Variants in GRM4 observed in about 807,000 individuals in gnomAD.
GRM4 encodes glutamate metabotropic receptor 4, also known as metabotropic glutamate receptor 4.
In GRM4, 28 loss-of-function variants were observed where a neutral mutation model predicts 81.7. The ratio of observed to expected loss-of-function variants is 0.34; its 90% CI spans 0.25 to 0.47. The LOEUF is 0.47. GRM4 is among the 20% of genes least tolerant of loss of function. The pLI is 1.00. For missense variants in GRM4, 948 were observed against 1,290.0 expected (o/e 0.73, Z 4.06); for synonymous variants, 488 against 528.8 (o/e 0.92, Z 1.06).
chr6:34,071,331 T>TTAC (rs1766818554), intron 3 of GRM4, among the ~76,000 whole-genome samples: 1 of 39,824 alleles, frequency 2.5e-5, no homozygotes, highest in Non-Finnish European at 4.7e-5. Flanking sequence ...CACACACACA[T>TTAC]CACACAGATA....
At chr6:34,066,530 G>A (rs1766474773) in intron 3 of GRM4, among the ~76,000 whole-genome samples, 1 of 151,890 alleles carries the variant, frequency 6.6e-6, no homozygotes, top group Admixed American at 6.6e-5. Flanking sequence ...GGCTGCATGA[G>A]GGCGGGAGAC....
intron 10 of GRM4, chr6:34,024,642 AG>A: frequency 2.2e-6 from 1 of 455,962 alleles, no homozygotes; most frequent in Non-Finnish European, 4.4e-6. Flanking sequence ...CATGAAGGTC[AG>A]GGTCCAGCTC....
intron 6 of GRM4, 110 bp downstream of exon 6, chr6:34,056,434 A>T (rs188396675): frequency 3.3e-6 from 3 of 903,968 alleles, no homozygotes; most frequent in Non-Finnish European, 4.8e-6. Flanking sequence ...ACGTCCTGCC[A>T]CGGCCGGCCG....
In GRM4 at chr6:34,036,250, G is replaced by T. The variant is rs1258975508; in HGVS notation, c.1860C>A (p.Ala620=). 1.2e-6 allele frequency: 2 copies of T among 1,614,166 alleles called. No homozygotes were observed. The highest frequency in any genetic ancestry group is 2.2e-5 in the South Asian group (2 of 91,082). Residue 620 remains alanine (A), a synonymous_variant, in exon 9 of 11, where the codon GCC becomes GCA. Coordinates refer to ENST00000538487, the MANE Select transcript of GRM4 (RefSeq NM_000841.4). The surrounding 1 kb of genome is among the most constrained non-coding windows in gnomAD (Gnocchi z 9.0). The stretch of plus-strand genomic sequence containing the variant: ...GCACGTAGCTCAGTTCACGGCCCGA[G>T]GCCTTGACGATGGGCGTGTCGTTGT... ...VRYNDTPIVK[A]SGRELSYVLL... is the part of the protein sequence containing the mutation.
chr6:34,044,377 C>T lies in GRM4; in HGVS notation c.1169-3629G>A, dbSNP rs543488157. On this transcript the variant is annotated intron_variant, in intron 6 of 10. Coordinates refer to ENST00000538487, the MANE Select transcript of GRM4 (RefSeq NM_000841.4). ...ATATATACACAGACACACACATACA[C>T]ACACATAGACATACATACATACACA... is the stretch of plus-strand genomic sequence containing the variant. Among the ~76,000 whole-genome samples the T allele has an allele frequency of 7.8e-4, 115 of 147,670 alleles. 1 individual carries two copies. Among genetic ancestry groups the T allele is most frequent in the African/African-American group, 2.9e-3 (110 of 38,434 alleles).
chr6:34,040,051 A>G, intron 8 of GRM4, 127 bp downstream of exon 8: 1 of 892,228 alleles, frequency 1.1e-6, no homozygotes, highest in South Asian at 1.6e-5. Flanking sequence ...CTGGGAAGGA[A>G]GCCCCAGCCT....
chr6:34,148,474 G>A (rs749707145), upstream of GRM4, among the ~76,000 whole-genome samples: 3 of 151,964 alleles, frequency 2.0e-5, no homozygotes, highest in Admixed American at 6.6e-5. Context: ...TTCCAGTGGC[G>A]TCCCCTGCCC....
chr6:34,075,844 C>G (rs1163818724), intron 3 of GRM4, among the ~76,000 whole-genome samples: 1 of 152,226 alleles, frequency 6.6e-6, no homozygotes, highest in East Asian at 1.9e-4. Context: ...CTGTGTCTTT[C>G]CCATTTCTAA....
chr6:34,139,873 T>G (rs966823369), intron 1 of GRM4, among the ~76,000 whole-genome samples: 1 of 152,162 alleles, frequency 6.6e-6, no homozygotes, highest in Non-Finnish European at 1.5e-5. Context: ...GGTGTGACAT[T>G]CAAAGGTGCT....
chr6:34,021,341 A>T lies in GRM4; in HGVS notation c.*1480T>A, dbSNP rs1210631876. ...CACGTGGACACATAACAACACACTGATCTCCAGGACAGACACACATCTTCT... is the reference window on the plus strand; with the variant it reads ...CACGTGGACACATAACAACACACTGTTCTCCAGGACAGACACACATCTTCT... On this transcript the variant is annotated 3_prime_UTR_variant, in exon 11 of 11. Transcript: ENST00000538487. The surrounding 1 kb of genome is among the most constrained non-coding windows in gnomAD (Gnocchi z 5.3). The T allele has an allele frequency of 6.6e-6, 1 of 152,140 alleles. No individual in the cohort carries two copies. The highest frequency in any genetic ancestry group is 1.5e-5 in the Non-Finnish European group (1 of 68,074). The allele number at this position is 152,140 out of a possible 1,614,324, so 9.4% of individuals were successfully genotyped here. A position where few individuals can be genotyped will look rare whatever the true frequency, so the allele number is the denominator to read the frequency against.
chr6:34,103,803 C>T, intron 2 of GRM4: 2 of 1,441,686 alleles, frequency 1.4e-6, no homozygotes, highest in Non-Finnish European at 1.8e-6. Context: ...CCTCAGTCTC[C>T]TCATCTGTCC....
At chr6:34,146,293 G>C (rs1581744489), upstream of GRM4, among the ~76,000 whole-genome samples, 1 of 152,248 alleles carries the variant, frequency 6.6e-6, no homozygotes, top group East Asian at 1.9e-4. Flanking sequence ...CTGTCCAGGG[G>C]ACACTTTCCA....
At chr6:34,077,329 T>C (rs2451356) in intron 3 of GRM4, among the ~76,000 whole-genome samples, 55,052 of 151,954 alleles carry the variant, frequency 0.36, 14,915 homozygotes, top group African/African-American at 0.76. Context: ...AGGCTGGCTC[T>C]GGAGCCCCAG....
In GRM4 at chr6:34,074,336, G is replaced by A. The variant is rs76210789; in HGVS notation, c.737-12308C>T. ...CCCCGAGACATAGCAGGGTTGCGGT[G>A]AGGATTAGAGCGGATTGCCCGTGGA... On this transcript the variant is annotated intron_variant, in intron 3 of 10. Transcript: ENST00000538487. The surrounding 1 kb of genome is among the most constrained non-coding windows in gnomAD (Gnocchi z 4.9). Among the ~76,000 whole-genome samples, 7,000 of 152,292 alleles carry A rather than the reference G, an allele frequency of 0.046. 335 individuals carry two copies. The highest frequency in any genetic ancestry group is 0.11 in the African/African-American group (4,749 of 41,546).
intron 10 of GRM4, 52 bp downstream of exon 10, chr6:34,028,067 CA>C: frequency 6.4e-7 from 1 of 1,556,142 alleles, no homozygotes. Flanking sequence ...CCACCTGCTG[CA>C]AAAGGAGCGG....
intron 3 of GRM4, among the ~76,000 whole-genome samples, chr6:34,067,563 T>C (rs1766548445): frequency 7.0e-6 from 1 of 143,252 alleles, no homozygotes; most frequent in South Asian, 2.5e-4. Context: ...CCTTCCTCCC[T>C]TCCTTCCTCT....
In GRM4 at chr6:34,089,510, A is replaced by G. The variant is rs1768087883; in HGVS notation, c.736+2373T>C. Among the ~76,000 whole-genome samples, 1 of 152,000 alleles carries G rather than the reference A, an allele frequency of 6.6e-6. No homozygotes were observed. Among genetic ancestry groups the G allele is most frequent in the Non-Finnish European group, 1.5e-5 (1 of 68,004 alleles). ...CCCCCGTAGGATGTTGCACACTGGC[A>G]TGGGGTGGCCTTGGAAGTTTGGGGA... is the stretch of plus-strand genomic sequence containing the variant. On this transcript the variant is annotated intron_variant, in intron 3 of 10. Coordinates refer to ENST00000538487, the MANE Select transcript of GRM4 (RefSeq NM_000841.4). This position sits in a 1 kb window ranked among gnomAD's most constrained non-coding sequence, Gnocchi z 4.3.
chr6:34,090,426 G>C lies in GRM4; in HGVS notation c.736+1457C>G, dbSNP rs1768140249. Among the ~76,000 whole-genome samples, 1 of 152,178 alleles carries C rather than the reference G, an allele frequency of 6.6e-6. No individual in the cohort carries two copies. Among genetic ancestry groups the C allele is most frequent in the African/African-American group, 2.4e-5 (1 of 41,436 alleles). On this transcript the variant is annotated intron_variant, in intron 3 of 10. Transcript: ENST00000538487. This position sits in a 1 kb window ranked among gnomAD's most constrained non-coding sequence, Gnocchi z 5.2. Reference sequence around the variant, plus strand: ...TGCCCAGGTCTTGGGTCTGAGCAAAGGAGGAAAGGACATGTGGGTGGCCCA... The same window carrying C: ...TGCCCAGGTCTTGGGTCTGAGCAAACGAGGAAAGGACATGTGGGTGGCCCA...
Position 34,121,044 on chromosome 6 carries a change from TGAAA to T in GRM4, c.519+11930_519+11933del, listed in dbSNP as rs1769791682. 1.3e-5 allele frequency among the ~76,000 whole-genome samples: 2 copies of T among 152,208 alleles called. No individual in the cohort carries two copies. Among genetic ancestry groups the T allele is most frequent in the Non-Finnish European group, 2.9e-5 (2 of 68,040 alleles). On this transcript the variant is annotated intron_variant, in intron 2 of 10. Coordinates refer to ENST00000538487, the MANE Select transcript of GRM4 (RefSeq NM_000841.4). The surrounding 1 kb of genome is among the most constrained non-coding windows in gnomAD (Gnocchi z 4.6). ...TTATTAAGATACGTGCACACCTTGG[TGAAA>T]GAGAGTAAGCCCTTCATGACGGACC...
Sources: gnomAD v4.1 joint callset for allele counts (sites outside exome capture counted in the v4.1 genomes callset) on GRCh38, gnomAD v4.1.1 for gene constraint, Gnocchi (gnomAD v3.1) non-coding constraint, MANE v1.5 for transcripts, NCBI Gene and HGNC (gene_info 2026-07-23, HGNC 2026-07-21) for gene names.